Variants in SPG11 observed in about 807,000 individuals in gnomAD.
The protein encoded by SPG11 is SPG11 vesicle trafficking associated, spatacsin.
A neutral mutation model predicts 274.0 loss-of-function variants in SPG11; 222 were observed. The observed-to-expected ratio is 0.81, with a 90% CI of 0.73 to 0.91. SPG11 has a LOEUF of 0.91. Among genes scored for constraint, SPG11 ranks in the 40% least tolerant of loss-of-function variants. The probability of loss-of-function intolerance (pLI) is 0.00; values close to 1 mark genes in which losing one functional copy is unlikely to be tolerated. For missense variants in SPG11, 3,114 were observed against 2,872.7 expected, an observed-to-expected ratio of 1.08 and a Z score of -1.92; for synonymous variants, 1,144 against 1,039.7, an observed-to-expected ratio of 1.10 and a Z score of -1.93.
rs563928976 is a variant in SPG11, at chr15:44,657,127, G to A, written c.837C>T (p.Ser279=). 22 of 1,614,114 alleles carry A rather than the reference G, an allele frequency of 1.4e-5. No individual in the cohort carries two copies. The highest frequency in any genetic ancestry group is 6.7e-5 in the African/African-American group (5 of 75,022). ...ACAAATTTAAGTTAAGAGCAACTGC[G>A]GAGTTGGAGGAGCTGACAATCACTG... ...DVAVIVSSSN[S]AVALNLNLYF... Residue 279 remains serine, a synonymous_variant, in exon 4 of 40, where the codon TCC becomes TCT. Coordinates refer to ENST00000261866, the MANE Select transcript of SPG11 (RefSeq NM_025137.4).
rs536006571 is a variant in SPG11, at chr15:44,638,446, G to C, written c.1603-4809C>G. On this transcript the variant is annotated intron_variant, in intron 7 of 39. Transcript: ENST00000261866. ...CCTGCACTCCAGCCTGGGCGACAGA[G>C]CAAGACTCCATCTCAAAACAAACAA... Among the ~76,000 whole-genome samples the C allele has an allele frequency of 1.9e-3, 279 of 150,640 alleles. 1 individual carries two copies. The highest frequency in any genetic ancestry group is 0.012 in the South Asian group (56 of 4,784).
chr15:44,661,128 C>T (rs1016026925), intron 1 of SPG11, among the ~76,000 whole-genome samples: 2 of 152,086 alleles, frequency 1.3e-5, no homozygotes, highest in African/African-American at 4.8e-5. Flanking sequence ...TAGCATTGCC[C>T]AATACAGTAG....
At chr15:44,570,683 T>A in intron 33 of SPG11, 25 bp from the exon 34 acceptor site, 2 of 1,611,630 alleles carry the variant, frequency 1.2e-6, no homozygotes, top group Non-Finnish European at 8.5e-7. Context: ...ACTGGTAAGA[T>A]AAGATTATGA....
rs2084776558 is a variant in SPG11 at position 44,651,554 on chromosome 15, G to A, written c.1393C>T (p.Leu465Phe). The A allele has an allele frequency of 1.2e-6, 2 of 1,614,062 alleles. No individual in the cohort carries two copies. Among genetic ancestry groups the A allele is most frequent in the African/African-American group, 1.3e-5 (1 of 74,934 alleles). Reference protein sequence around the residue: ...LETQGMQCFSLGTKCIPVDSS... With the variant: ...LETQGMQCFSFGTKCIPVDSS... ...TCTACAGGAATACACTTTGTGCCAA[G>A]GGAAAAACACTGCATGCCCTGGGTC... The change falls in exon 6 of 40, where the codon CTT (leucine) becomes TTT (phenylalanine). Residue 465 changes from leucine (L) to phenylalanine (F), a missense_variant. Physicochemically the swap from Leu to Phe is conservative, Grantham distance 22. Coordinates refer to ENST00000261866, the MANE Select transcript of SPG11 (RefSeq NM_025137.4).
chr15:44,569,465 G>T lies in SPG11; in HGVS notation c.6518C>A (p.Thr2173Lys). 1 of 1,604,110 alleles carries T rather than the reference G, an allele frequency of 6.2e-7. No homozygotes were observed. Among genetic ancestry groups the T allele is most frequent in the Non-Finnish European group, 8.5e-7 (1 of 1,174,680 alleles). ...LTGIGRYNEMTYIFDLLHKKH... is the reference protein window; with the variant it reads ...LTGIGRYNEMKYIFDLLHKKH... ...TTTATGCAGCAAATCAAATATGTAT[G>T]TCATCTCGTTGTACCTTCCAATGCC... The change falls in exon 35 of 40, where the codon ACA becomes AAA. Residue 2173 changes from threonine (T) to lysine (K), a missense_variant. Transcript: ENST00000261866.
intron 19 of SPG11, 40 bp downstream of exon 19, chr15:44,608,404 A>T (rs1243250666): frequency 1.2e-6 from 2 of 1,603,028 alleles, no homozygotes; most frequent in East Asian, 2.2e-5. Context: ...TCCTGGCTGA[A>T]CTCTGATAGA....
chr15:44,655,211 T>C (rs1454937241), intron 4 of SPG11, among the ~76,000 whole-genome samples: 4 of 152,314 alleles, frequency 2.6e-5, no homozygotes, highest in African/African-American at 4.8e-5. Flanking sequence ...GAGGACTGCT[T>C]GGGCCCAGGA....
Position 44,573,660 on chromosome 15 carries a change from C to G in SPG11, c.6092G>C (p.Arg2031Pro), listed in dbSNP as rs1365555358. 1 of 1,614,206 alleles carries G rather than the reference C, an allele frequency of 6.2e-7. No homozygotes were observed. The highest frequency in any genetic ancestry group is 8.5e-7 in the Non-Finnish European group (1 of 1,180,044). The change falls in exon 32 of 40, where the codon CGA becomes CCA. Residue 2031 changes from arginine (R) to proline (P), a missense_variant. Arg to Pro is a moderately radical substitution (Grantham distance 103, BLOSUM62 -2). Coordinates refer to ENST00000261866, the MANE Select transcript of SPG11 (RefSeq NM_025137.4). The stretch of plus-strand genomic sequence containing the variant: ...GATGAAGGCCTGGGCTCGTTTGCAT[C>G]GGTCAGGCTGCTGAGAGGCCAAGAT... Reference protein sequence around the residue: ...RKILASQQPDRCKRAQAFIST... With the variant: ...RKILASQQPDPCKRAQAFIST...
intron 6 of SPG11, among the ~76,000 whole-genome samples, chr15:44,649,539 T>G (rs548646998): frequency 6.6e-6 from 1 of 151,934 alleles, no homozygotes; most frequent in African/African-American, 2.4e-5. Flanking sequence ...CCAAGAAAAT[T>G]TGTCTTTAAA....
chr15:44,618,301 G>C (rs563124413), intron 15 of SPG11, among the ~76,000 whole-genome samples: 10 of 151,596 alleles, frequency 6.6e-5, no homozygotes, highest in African/African-American at 2.4e-4. Flanking sequence ...GAGGTCAGGA[G>C]ATTGAGACCA....
chr15:44,622,874 T>A, intron 11 of SPG11, 75 bp from the exon 12 acceptor site: 1 of 1,007,826 alleles, frequency 9.9e-7, no homozygotes, highest in Non-Finnish European at 1.6e-6. Context: ...ATGTGTTAGA[T>A]ACAGAAACAC....
intron 6 of SPG11, among the ~76,000 whole-genome samples, chr15:44,650,874 T>C (rs1033920471): frequency 5.3e-5 from 8 of 151,926 alleles, no homozygotes; most frequent in Admixed American, 3.3e-4. Flanking sequence ...CGGCCTCCCA[T>C]GTAGCTGGGA....
intron 20 of SPG11, chr15:44,604,065 G>A: frequency 2.5e-6 from 1 of 394,200 alleles, no homozygotes; most frequent in East Asian, 7.4e-5. Flanking sequence ...AGACAACACT[G>A]TGATCTGGTT....
chr15:44,575,584 T>C (rs1190109322), intron 30 of SPG11, among the ~76,000 whole-genome samples: 1 of 149,398 alleles, frequency 6.7e-6, no homozygotes, highest in African/African-American at 2.5e-5. Flanking sequence ...AACCTCTGCC[T>C]CCAGGGCTCA....
chr15:44,595,349 C>T lies in SPG11; in HGVS notation c.4545G>A (p.Trp1515Ter). The T allele has an allele frequency of 6.2e-7, 1 of 1,614,172 alleles. No homozygotes were observed. Among genetic ancestry groups the T allele is most frequent in the Non-Finnish European group, 8.5e-7 (1 of 1,180,020 alleles). Reference sequence around the variant, plus strand: ...AGATGACTGAAAGATCCTCAAGGTTCCAGGTATGGTCCTCTGTTGAGTCCT... The same window carrying T: ...AGATGACTGAAAGATCCTCAAGGTTTCAGGTATGGTCCTCTGTTGAGTCCT... Reference protein sequence around the residue: ...HIQDSTEDHTWNLEDLSVIWR... With the variant: ...HIQDSTEDHT Residue 1515 changes from tryptophan (W) to a stop codon, truncating the protein, a stop_gained, in exon 26 of 40, where the codon TGG (tryptophan) becomes TGA (stop). Transcript: ENST00000261866. LOFTEE classifies it high-confidence loss of function.
intron 26 of SPG11, among the ~76,000 whole-genome samples, chr15:44,594,518 G>A (rs770160448): frequency 5.3e-5 from 8 of 151,432 alleles, no homozygotes; most frequent in Admixed American, 2.0e-4. Context: ...AGATGAGGCA[G>A]GAGGATCACT....
In SPG11 at chr15:44,598,302, C is replaced by T; in HGVS notation, c.3964G>A (p.Gly1322Ser). The T allele has an allele frequency of 6.2e-7, 1 of 1,614,056 alleles. No homozygotes were observed. Among genetic ancestry groups the T allele is most frequent in the Non-Finnish European group, 8.5e-7 (1 of 1,179,954 alleles). Residue 1322 changes from glycine (G) to serine (S), a missense_variant, in exon 23 of 40, where the codon GGT becomes AGT. Transcript: ENST00000261866. ...TGTTGCTGAATGCTGTTCCATGTAC[C>T]TTCTTCTAAGAGAACAAGCAATTCT... ...TEELLVLLEE[G>S]TWNSIQQQEI...
intron 2 of SPG11, among the ~76,000 whole-genome samples, chr15:44,659,854 A>T (rs538162940): frequency 6.6e-6 from 1 of 152,204 alleles, no homozygotes; most frequent in African/African-American, 2.4e-5. Flanking sequence ...TGAGGTCAGG[A>T]GTTTGAGACC....
At chr15:44,576,142 CAAAAAAAA>C (rs201558800) in intron 30 of SPG11, among the ~76,000 whole-genome samples, 23 of 43,074 alleles carry the variant, frequency 5.3e-4, no homozygotes, top group East Asian at 1.4e-3. Flanking sequence ...AACTCCATCT[CAAAAAAAA>C]AAAAAAAAAA....
Sources: allele counts gnomAD v4.1 joint callset (sites outside exome capture counted in the v4.1 genomes callset), GRCh38; gene constraint gnomAD v4.1.1; transcripts MANE v1.5; gene names NCBI Gene and HGNC (gene_info 2026-07-23, HGNC 2026-07-21).